GRAMD2B: variants seen among roughly 807,000 people sequenced by gnomAD.
GRAMD2B encodes the protein GRAM domain containing 2B, also known as GRAM domain-containing protein 2B.
GRAMD2B carries 41 observed loss-of-function variants against 59.2 expected under a neutral mutation model. The ratio of observed to expected loss-of-function variants is 0.69; its 90% confidence interval spans 0.54 to 0.90. The LOEUF (loss-of-function observed/expected upper bound fraction) is 0.90, where lower values mean the gene tolerates loss of function less well. GRAMD2B is among the 40% of genes least tolerant of loss of function. The pLI, the probability that GRAMD2B is intolerant of heterozygous loss-of-function variation, is 0.00. For synonymous variants in GRAMD2B, 161 were observed against 182.7 expected (o/e 0.88, Z 0.96); for missense variants, 424 against 500.5 (o/e 0.85, Z 1.46).
chr5:126,365,025 T>C (rs1443868623), intron 1 of GRAMD2B, among the ~76,000 whole-genome samples: 4 of 152,248 alleles, frequency 2.6e-5, no homozygotes, highest in Non-Finnish European at 5.9e-5. Context: ...TACCAAATGA[T>C]TTTGATAATC....
At chr5:126,465,895 G>T (rs1768264274) in intron 2 of GRAMD2B, among the ~76,000 whole-genome samples, 1 of 152,040 alleles carries the variant, frequency 6.6e-6, no homozygotes, top group African/African-American at 2.4e-5. Context: ...TTTCCTAGGG[G>T]CCGTGAAAAA....
chr5:126,386,740 C>T (rs1324719520), intron 1 of GRAMD2B, among the ~76,000 whole-genome samples: 2 of 152,172 alleles, frequency 1.3e-5, no homozygotes, highest in African/African-American at 4.8e-5. Flanking sequence ...TTCTAAATTC[C>T]AGTTTTCTCA....
intron 1 of GRAMD2B, among the ~76,000 whole-genome samples, chr5:126,361,321 A>G (rs1336361606): frequency 6.6e-6 from 1 of 152,174 alleles, no homozygotes; most frequent in African/African-American, 2.4e-5. Flanking sequence ...AAAACATAAC[A>G]TAAAATATAA....
chr5:126,400,903 G>T (rs1757777520), intron 1 of GRAMD2B, among the ~76,000 whole-genome samples: 1 of 151,978 alleles, frequency 6.6e-6, no homozygotes, highest in African/African-American at 2.4e-5. Flanking sequence ...TGATCATAAT[G>T]TGTCTCCATA....
chr5:126,383,729 T>G (rs1755860099), intron 1 of GRAMD2B, among the ~76,000 whole-genome samples: 1 of 152,186 alleles, frequency 6.6e-6, no homozygotes, highest in Non-Finnish European at 1.5e-5. Context: ...ATGGACGAAT[T>G]TATTCACCCA....
At chr5:126,415,336 G>A (rs905778680) in intron 1 of GRAMD2B, among the ~76,000 whole-genome samples, 3 of 152,182 alleles carry the variant, frequency 2.0e-5, no homozygotes, top group East Asian at 1.9e-4. Context: ...GTAAGGTTCT[G>A]TGTGTGCATG....
intron 1 of GRAMD2B, among the ~76,000 whole-genome samples, chr5:126,385,531 A>G (rs1756046374): frequency 6.6e-6 from 1 of 152,232 alleles, no homozygotes; most frequent in Admixed American, 6.5e-5. Flanking sequence ...TCCATTTTTA[A>G]TTTAATATTC....
At chr5:126,393,826 C>G (rs1561474624) in intron 1 of GRAMD2B, among the ~76,000 whole-genome samples, 2 of 152,130 alleles carry the variant, frequency 1.3e-5, no homozygotes, top group East Asian at 1.9e-4. Context: ...AGAGCATGAA[C>G]AGACTCTAGA....
At chr5:126,411,433 G>T (rs1758779354) in intron 1 of GRAMD2B, among the ~76,000 whole-genome samples, 1 of 151,938 alleles carries the variant, frequency 6.6e-6, no homozygotes, top group Non-Finnish European at 1.5e-5. Flanking sequence ...CTTGATTTGT[G>T]GGTTCTCTAT....
chr5:126,419,795 G>A (rs112533699), upstream of GRAMD2B, among the ~76,000 whole-genome samples: 1,611 of 152,190 alleles, frequency 0.011, 23 homozygotes, highest in African/African-American at 0.036. Flanking sequence ...GGTGGCTCAC[G>A]CCTGTAATCC....
At chr5:126,364,452 G>A (rs1017967796) in intron 1 of GRAMD2B, among the ~76,000 whole-genome samples, 13 of 152,232 alleles carry the variant, frequency 8.5e-5, no homozygotes, top group African/African-American at 3.1e-4. Context: ...AGTGGAAAAT[G>A]AAAGTGTAGG....
chr5:126,491,736 CTT>C (rs1454503662), intron 13 of GRAMD2B, among the ~76,000 whole-genome samples: 2 of 150,536 alleles, frequency 1.3e-5, no homozygotes, highest in East Asian at 3.9e-4. Context: ...TTTTTTCCTT[CTT>C]TGTTTTTTTT....
chr5:126,398,143 C>A (rs1165209031), intron 1 of GRAMD2B, among the ~76,000 whole-genome samples: 1 of 151,312 alleles, frequency 6.6e-6, no homozygotes, highest in Non-Finnish European at 1.5e-5. Context: ...CTCACCCCAG[C>A]CTTCCAAGTT....
At chr5:126,361,264 T>TA (rs923400413) in intron 1 of GRAMD2B, among the ~76,000 whole-genome samples, 3 of 152,126 alleles carry the variant, frequency 2.0e-5, no homozygotes, top group African/African-American at 7.2e-5. Flanking sequence ...AGGGTACACA[T>TA]AAACACTGTG....
Position 126,493,724 on chromosome 5 carries a change from G to A in GRAMD2B, c.*768G>A, listed in dbSNP as rs1211478201. The A allele has an allele frequency of 6.6e-6, 1 of 152,380 alleles. No individual in the cohort carries two copies. The highest frequency in any genetic ancestry group is 6.5e-5 in the Admixed American group (1 of 15,278). 9.4% of individuals were successfully genotyped at this position (152,380 alleles called of 1,614,324 possible). A position where few individuals can be genotyped will look rare whatever the true frequency, so the allele number is the denominator to read the frequency against. On this transcript the variant is annotated 3_prime_UTR_variant, in exon 14 of 14. Transcript: ENST00000285689. ...ACCAAACCTAATTTTTAAGCCAAAAGGTGTAATAGTGATTTAATACAGGAT... is the reference window on the plus strand; with the variant it reads ...ACCAAACCTAATTTTTAAGCCAAAAAGTGTAATAGTGATTTAATACAGGAT...
chr5:126,406,492 T>C (rs527676751), intron 1 of GRAMD2B, among the ~76,000 whole-genome samples: 22 of 151,998 alleles, frequency 1.4e-4, no homozygotes, highest in African/African-American at 4.8e-4. Context: ...TGCAGAATAT[T>C]TCCAATGCCC....
chr5:126,390,954 C>G lies in GRAMD2B; in HGVS notation c.125+19387C>G, dbSNP rs149682576. On this transcript the variant is annotated intron_variant, in intron 1 of 8. Coordinates refer to the GRAMD2B transcript ENST00000506445. The stretch of plus-strand genomic sequence containing the variant: ...ACATGAAAATTCTAAATTCCATACT[C>G]TAGCCACTTTGCTGTACTCCAACTC... Among the ~76,000 whole-genome samples, 200 of 152,276 alleles carry G rather than the reference C, an allele frequency of 1.3e-3. 4 individuals carry two copies. The highest frequency in any genetic ancestry group is 0.011 in the Admixed American group (175 of 15,292).
At chr5:126,385,945 C>A (rs866658140) in intron 1 of GRAMD2B, among the ~76,000 whole-genome samples, 35 of 152,152 alleles carry the variant, frequency 2.3e-4, no homozygotes, top group Admixed American at 1.7e-3. Flanking sequence ...AAACACATTT[C>A]AAGTTGCTGA....
At chr5:126,401,738 G>A (rs962004251) in intron 1 of GRAMD2B, among the ~76,000 whole-genome samples, 2 of 151,994 alleles carry the variant, frequency 1.3e-5, no homozygotes, top group African/African-American at 4.8e-5. Context: ...GCTTTACCTA[G>A]CACTTAGAAA....
Sources: gnomAD v4.1 joint callset for allele counts (sites outside exome capture counted in the v4.1 genomes callset) on GRCh38, gnomAD v4.1.1 for gene constraint, MANE v1.5 for transcripts, NCBI Gene and HGNC (gene_info 2026-07-23, HGNC 2026-07-21) for gene names.